Variants in FCHO1 observed in about 807,000 individuals in gnomAD.
FCHO1 encodes the protein FCH and mu domain containing endocytic adaptor 1, also known as F-BAR domain only protein 1.
In FCHO1, 45 loss-of-function variants were observed where a neutral mutation model predicts 114.4. The observed-to-expected ratio is 0.39, with a 90% confidence interval of 0.31 to 0.50. The LOEUF (loss-of-function observed/expected upper bound fraction) is 0.50. Ranked by LOEUF, FCHO1 falls within the 20% of genes least tolerant of loss-of-function variation. FCHO1 has a pLI of 0.77. For missense variants in FCHO1, 1,042 were observed against 1,209.6 expected (o/e 0.86, Z 2.06); for synonymous variants, 480 against 488.9 (o/e 0.98, Z 0.24).
chr19:17,766,525 A>T, intron 6 of FCHO1, 144 bp from the exon 7 acceptor site: 1 of 1,108,858 alleles, frequency 9.0e-7, no homozygotes, highest in Non-Finnish European at 1.3e-6. Context: ...CCCGCCTCTT[A>T]CAGCTGCCAT....
chr19:17,774,503 T>C lies in FCHO1; in HGVS notation c.920+25T>C, dbSNP rs770602747. The C allele has an allele frequency of 1.2e-5, 19 of 1,596,596 alleles. No homozygotes were observed. In the African/African-American group the frequency reaches 2.1e-4, roughly 18 times the overall value. On this transcript the variant is annotated intron_variant, in intron 13 of 28. Coordinates refer to ENST00000596536, the MANE Select transcript of FCHO1 (RefSeq NM_015122.3). ...TGTGAGGAAGCACCCCTGCCCGGTC[T>C]GGCCCAGGCTAGACCGAGATCCCCT...
At chr19:17,778,347 T>G in intron 19 of FCHO1, 119 bp downstream of exon 19, 2 of 894,558 alleles carry the variant, frequency 2.2e-6, no homozygotes, top group South Asian at 2.9e-5. Flanking sequence ...GACTAGTCCG[T>G]GTAGGGGTGG....
Position 17,778,789 on chromosome 19 carries a change from A to C in FCHO1, c.1532A>C (p.Glu511Ala). The C allele has an allele frequency of 6.5e-7, 1 of 1,539,946 alleles. No homozygotes were observed. The highest frequency in any genetic ancestry group is 1.2e-5 in the South Asian group (1 of 84,360). Residue 511 changes from glutamate to alanine, a missense_variant, in exon 20 of 29, where the codon GAG becomes GCG. Coordinates refer to ENST00000596536, the MANE Select transcript of FCHO1 (RefSeq NM_015122.3). ...SPPSCRAPPPEARGIRAPPLP... is the reference protein window; with the variant it reads ...SPPSCRAPPPAARGIRAPPLP... ...CCCAGCTGTAGGGCGCCACCCCCAG[A>C]GGCCAGGGGTATCCGGGCACCGCCT...
chr19:17,774,252 C>A lies in FCHO1; in HGVS notation c.804C>A (p.Phe268Leu), dbSNP rs144767216. 1 of 1,613,972 alleles carries A rather than the reference C, an allele frequency of 6.2e-7. No homozygotes were observed. Among genetic ancestry groups the A allele is most frequent in the Non-Finnish European group, 8.5e-7 (1 of 1,180,026 alleles). The change falls in exon 12 of 29, where the codon TTC (phenylalanine) becomes TTA (leucine). Residue 268 changes from phenylalanine to leucine, a missense_variant. Phe to Leu is a conservative substitution (Grantham distance 22, BLOSUM62 0). Coordinates refer to ENST00000596536, the MANE Select transcript of FCHO1 (RefSeq NM_015122.3). ...TGREKPGPLDFEAYSAAALQE... is the reference protein window; with the variant it reads ...TGREKPGPLDLEAYSAAALQE... Reference sequence around the variant, plus strand: ...CTCCTGTCTCAGGACCTCTGGACTTCGAGGCATACAGTGCGGCTGCCCTGC... The same window carrying A: ...CTCCTGTCTCAGGACCTCTGGACTTAGAGGCATACAGTGCGGCTGCCCTGC...
At position 17,778,193 on chromosome 19, in the gene FCHO1, C is replaced by G; in HGVS notation, c.1316C>G (p.Pro439Arg). The change falls in exon 19 of 29, where the codon CCC (proline) becomes CGC (arginine). Residue 439 changes from proline (P) to arginine (R), a missense_variant. By Grantham distance (103) the Pro-to-Arg change is moderately radical. This residue lies in a region of FCHO1 where 455 missense variants were observed against 455.4 expected (regional missense o/e 1.00). Coordinates refer to ENST00000596536, the MANE Select transcript of FCHO1 (RefSeq NM_015122.3). ...EQVSKNLFGP[P>R]LESAFDHEDF... ...GTGTCCAAGAACCTCTTTGGGCCGCCCCTGGAGTCAGCCTTTGACCACGAA... is the reference window on the plus strand; with the variant it reads ...GTGTCCAAGAACCTCTTTGGGCCGCGCCTGGAGTCAGCCTTTGACCACGAA... 6.2e-7 allele frequency: 1 copy of G among 1,613,930 alleles called. No homozygotes were observed. The highest frequency in any genetic ancestry group is 8.5e-7 in the Non-Finnish European group (1 of 1,179,986).
chr19:17,776,104 A>G lies in FCHO1; in HGVS notation c.1125A>G (p.Ala375=). The G allele has an allele frequency of 6.2e-7, 1 of 1,612,854 alleles. No homozygotes were observed. Among genetic ancestry groups the G allele is most frequent in the East Asian group, 2.2e-5 (1 of 44,868 alleles). The stretch of plus-strand genomic sequence containing the variant: ...GGGCTCCAGCCTGCAGCCCCGAGGC[A>G]GCAGCGGCACAGCTCAGGGCCACCG... The part of the protein sequence containing the change: ...PARAPACSPE[A]AAAQLRATAG... Residue 375 remains alanine (A), a synonymous_variant, in exon 16 of 29, where the codon GCA becomes GCG. Coordinates refer to ENST00000596536, the MANE Select transcript of FCHO1 (RefSeq NM_015122.3). This position sits in a 1 kb window ranked among gnomAD's most constrained non-coding sequence, Gnocchi z 4.4.
chr19:17,778,783 C>A lies in FCHO1; in HGVS notation c.1526C>A (p.Pro509His). The A allele has an allele frequency of 1.3e-6, 2 of 1,539,484 alleles. No homozygotes were observed. The highest frequency in any genetic ancestry group is 1.7e-6 in the Non-Finnish European group (2 of 1,148,354). ...AGCCCGCCCAGCTGTAGGGCGCCAC[C>A]CCCAGAGGCCAGGGGTATCCGGGCA... ...PQSPPSCRAP[P>H]PEARGIRAPP... Residue 509 changes from proline to histidine, a missense_variant, in exon 20 of 29, where the codon CCC becomes CAC. Transcript: ENST00000596536.
intron 18 of FCHO1, among the ~76,000 whole-genome samples, chr19:17,777,752 G>C (rs1048103574): frequency 1.3e-5 from 2 of 152,088 alleles, no homozygotes; most frequent in Non-Finnish European, 1.5e-5. Context: ...TGGAACTCCA[G>C]ACTGGGAACA....
chr19:17,774,554 C>T (rs990766669), intron 13 of FCHO1, 76 bp downstream of exon 13: 20 of 1,224,602 alleles, frequency 1.6e-5, no homozygotes, highest in Non-Finnish European at 2.1e-5. Context: ...TCCCAGAAGT[C>T]CCCTCCTAGG....
intron 19 of FCHO1, 130 bp from the exon 20 acceptor site, chr19:17,778,479 G>C (rs935079186): frequency 9.5e-7 from 1 of 1,051,960 alleles, no homozygotes; most frequent in Non-Finnish European, 1.3e-6. Context: ...TGTAGCCTTG[G>C]GGGCGTGCAC....
chr19:17,778,473 G>C, intron 19 of FCHO1, 136 bp from the exon 20 acceptor site: 1 of 1,015,704 alleles, frequency 9.8e-7, no homozygotes, highest in Admixed American at 2.7e-5. Flanking sequence ...AGAAGGTGTA[G>C]CCTTGGGGGC....
rs575133599 is a variant in FCHO1, at chr19:17,758,625, T to G, written c.27+3434T>G. On this transcript the variant is annotated intron_variant, in intron 4 of 28. Transcript: ENST00000596536. Reference sequence around the variant, plus strand: ...GGGTCTGCCCCAGTCTTGGCTTCGGTGTCTCCATTGGTGCAGCAGGAAACG... The same window carrying G: ...GGGTCTGCCCCAGTCTTGGCTTCGGGGTCTCCATTGGTGCAGCAGGAAACG... 10 of 152,310 alleles carry G rather than the reference T, an allele frequency of 6.6e-5. No individual in the cohort carries two copies. In the East Asian group the frequency reaches 1.9e-3, roughly 29 times the overall value. The allele number at this position is 152,310 out of a possible 1,614,324, so 9.4% of individuals were successfully genotyped here. A position where few individuals can be genotyped will look rare whatever the true frequency, so the allele number is the denominator to read the frequency against.
chr19:17,753,813 C>G (rs961098007), intron 1 of FCHO1: 1 of 152,198 alleles, frequency 6.6e-6, no homozygotes, highest in African/African-American at 2.4e-5. Flanking sequence ...ATTACAGGTG[C>G]CCGCCACCAC....
At position 17,783,023 on chromosome 19, in the gene FCHO1, G is replaced by A. The variant is rs2093566006; in HGVS notation, c.1944G>A (p.Leu648=). Residue 648 remains leucine (L), a synonymous_variant, in exon 24 of 29, where the codon CTG becomes CTA. Coordinates refer to ENST00000596536, the MANE Select transcript of FCHO1 (RefSeq NM_015122.3). ...AYFRGHSPSC[L]ARVTGELTMT... is the part of the protein sequence containing the mutation. ...GTCCCCTCATCCTCCCTAGCTGCCT[G>A]GCTCGAGTAACTGGGGAGCTGACCA... 5.6e-6 allele frequency: 9 copies of A among 1,613,990 alleles called. No homozygotes were observed. The highest frequency in any genetic ancestry group is 7.6e-6 in the Non-Finnish European group (9 of 1,180,000).
Position 17,784,371 on chromosome 19 carries a change from C to A in FCHO1, c.2226+136C>A. The A allele has an allele frequency of 8.8e-7, 1 of 1,137,902 alleles. No homozygotes were observed. The highest frequency in any genetic ancestry group is 1.2e-6 in the Non-Finnish European group (1 of 809,240). 70.5% of individuals were successfully genotyped at this position (1,137,902 alleles called of 1,614,324 possible). On this transcript the variant is annotated intron_variant, in intron 25 of 28. Coordinates refer to ENST00000596536, the MANE Select transcript of FCHO1 (RefSeq NM_015122.3). This position sits in a 1 kb window ranked among gnomAD's most constrained non-coding sequence, Gnocchi z 5.3. ...CCTCAAGAGATCCAATCTGTGAGAGCCGATGAGCTGGAGGGAGTAGGCAGT... is the reference window on the plus strand; with the variant it reads ...CCTCAAGAGATCCAATCTGTGAGAGACGATGAGCTGGAGGGAGTAGGCAGT...
At position 17,755,158 on chromosome 19, in the gene FCHO1, C is replaced by G; in HGVS notation, c.-7C>G. 1 of 1,612,340 alleles carries G rather than the reference C, an allele frequency of 6.2e-7. No homozygotes were observed. The highest frequency in any genetic ancestry group is 2.2e-5 in the East Asian group (1 of 44,798). ...GGCCTGCAGGGGTCTCCACAGAGAC[C>G]ATCAGGATGTCGTATTTTGGGGAGC... On this transcript the variant is annotated 5_prime_UTR_variant, in exon 4 of 29. Coordinates refer to ENST00000596536, the MANE Select transcript of FCHO1 (RefSeq NM_015122.3).
At chr19:17,782,687 A>G (rs1025924117) in intron 23 of FCHO1, among the ~76,000 whole-genome samples, 1 of 152,246 alleles carries the variant, frequency 6.6e-6, no homozygotes, top group Non-Finnish European at 1.5e-5. Flanking sequence ...TGAAAGTCAA[A>G]CCATGAAGAA....
At chr19:17,761,939 G>A (rs1439473971) in intron 4 of FCHO1, among the ~76,000 whole-genome samples, 3 of 151,262 alleles carry the variant, frequency 2.0e-5, no homozygotes, top group Non-Finnish European at 2.9e-5. Flanking sequence ...GATTACAGGC[G>A]TGACCCACTC....
At position 17,781,544 on chromosome 19, in the gene FCHO1, G is replaced by A. The variant is rs772494514; in HGVS notation, c.1828+5G>A. 1.2e-6 allele frequency: 2 copies of A among 1,613,888 alleles called. No individual in the cohort carries two copies. The highest frequency in any genetic ancestry group is 1.7e-5 in the Admixed American group (1 of 60,008). On this transcript the variant is annotated splice_donor_5th_base_variant and intron_variant, in intron 22 of 28. Transcript: ENST00000596536. ...TCTTATCCCAGACAGGACACGGTAT[G>A]TGAGGGCGGTCCTGGGCCTGGCTTT...
Sources: gnomAD v4.1 joint callset for allele counts (sites outside exome capture counted in the v4.1 genomes callset) on GRCh38, gnomAD v4.1.1 for gene constraint, gnomAD v4.1.1 regional missense constraint, Gnocchi (gnomAD v3.1) non-coding constraint, MANE v1.5 for transcripts, NCBI Gene and HGNC (gene_info 2026-07-23, HGNC 2026-07-21) for gene names.